The following SNX18 variants were observed in gnomAD, a reference collection of about 807,000 sequenced individuals.
The protein encoded by SNX18 is sorting nexin 18.
A neutral mutation model predicts 48.7 loss-of-function variants in SNX18; 35 were observed. The ratio of observed to expected loss-of-function variants is 0.72; its 90% CI spans 0.55 to 0.95. The LOEUF (loss-of-function observed/expected upper bound fraction) is 0.95, where lower values mean the gene tolerates loss of function less well. Ranked by LOEUF, SNX18 falls within the 40% of genes least tolerant of loss-of-function variation. The probability of loss-of-function intolerance (pLI) is 0.00; values close to 1 mark genes in which losing one functional copy is unlikely to be tolerated. For missense variants in SNX18, 824 were observed against 871.0 expected (o/e 0.95, Z 0.68); for synonymous variants, 492 against 384.7 (o/e 1.28, Z -3.26).
chr5:54,566,265 G>A, the SNX18 span, among the ~76,000 whole-genome samples: 4 of 152,166 alleles, frequency 2.6e-5, no homozygotes, highest in Admixed American at 1.3e-4. Flanking sequence ...AATCCTGACC[G>A]TCAGTTACTA....
At chr5:54,639,630 A>C in the SNX18 span, among the ~76,000 whole-genome samples, 2 of 152,214 alleles carry the variant, frequency 1.3e-5, no homozygotes, top group Non-Finnish European at 2.9e-5. Flanking sequence ...TGAGGACCAG[A>C]AATAGTAACT....
the SNX18 span, among the ~76,000 whole-genome samples, chr5:54,614,692 T>C: frequency 6.6e-6 from 1 of 152,104 alleles, no homozygotes; most frequent in Non-Finnish European, 1.5e-5. Flanking sequence ...TGTGTGCCTA[T>C]AGTCCCAGAT....
chr5:54,582,392 A>G, the SNX18 span, among the ~76,000 whole-genome samples: 42 of 152,302 alleles, frequency 2.8e-4, no homozygotes, highest in Non-Finnish European at 5.1e-4. Flanking sequence ...AAAGCTCATG[A>G]TGCAATGTTA....
At chr5:54,591,004 T>G in the SNX18 span, among the ~76,000 whole-genome samples, 1 of 151,784 alleles carries the variant, frequency 6.6e-6, no homozygotes, top group Admixed American at 6.6e-5. Flanking sequence ...ATCCTCCCCA[T>G]CCCCCCTCAC....
chr5:54,555,034 A>T, the SNX18 span, among the ~76,000 whole-genome samples: 1 of 152,212 alleles, frequency 6.6e-6, no homozygotes. Flanking sequence ...CACCCCAGCC[A>T]TACAGCCATA....
chr5:54,521,450 G>A (rs1054496062), intron 1 of SNX18, among the ~76,000 whole-genome samples: 2 of 152,210 alleles, frequency 1.3e-5, no homozygotes, highest in African/African-American at 4.8e-5. Flanking sequence ...TGTAATCCCA[G>A]CATTTTGGGA....
At chr5:54,559,540 G>T in the SNX18 span, among the ~76,000 whole-genome samples, 2 of 151,984 alleles carry the variant, frequency 1.3e-5, no homozygotes, top group African/African-American at 2.4e-5. Context: ...GAAACTGGAC[G>T]CCTTCCTTAC....
the SNX18 span, among the ~76,000 whole-genome samples, chr5:54,582,786 A>C: frequency 6.6e-6 from 1 of 152,098 alleles, no homozygotes; most frequent in African/African-American, 2.4e-5. Context: ...AATAAATTAG[A>C]ATCTGTTCGG....
At chr5:54,639,611 C>CAT in the SNX18 span, among the ~76,000 whole-genome samples, 82,075 of 151,770 alleles carry the variant, frequency 0.54, 22,360 homozygotes, top group Middle Eastern at 0.63. Flanking sequence ...TTATTTTTCA[C>CAT]GAGAATCTTG....
At chr5:54,612,070 G>T in the SNX18 span, among the ~76,000 whole-genome samples, 17 of 151,984 alleles carry the variant, frequency 1.1e-4, no homozygotes, top group African/African-American at 4.1e-4. Flanking sequence ...ATGTAGAGAT[G>T]ATGTCTCACT....
chr5:54,588,325 T>TA, the SNX18 span, among the ~76,000 whole-genome samples: 2 of 22,632 alleles, frequency 8.8e-5, no homozygotes, highest in Non-Finnish European at 1.7e-4. Flanking sequence ...TTTTTTTTTT[T>TA]TTTTTTTTTT....
chr5:54,610,511 T>C, the SNX18 span, among the ~76,000 whole-genome samples: 1 of 152,228 alleles, frequency 6.6e-6, no homozygotes, highest in Non-Finnish European at 1.5e-5. Flanking sequence ...AGCAGAGTTT[T>C]CCGCTCAGCC....
At chr5:54,562,081 T>C in the SNX18 span, among the ~76,000 whole-genome samples, 2 of 152,218 alleles carry the variant, frequency 1.3e-5, no homozygotes, top group African/African-American at 4.8e-5. Flanking sequence ...TACCACTTAT[T>C]GAGACATTTT....
At chr5:54,625,815 A>T in the SNX18 span, among the ~76,000 whole-genome samples, 1 of 152,132 alleles carries the variant, frequency 6.6e-6, no homozygotes, top group Non-Finnish European at 1.5e-5. Context: ...ACGAGACTTC[A>T]CCCTGGAACT....
the SNX18 span, among the ~76,000 whole-genome samples, chr5:54,559,126 A>T: frequency 2.0e-5 from 3 of 152,228 alleles, no homozygotes; most frequent in Non-Finnish European, 4.4e-5. Flanking sequence ...AGGAATCAAC[A>T]TCATTAAAAT....
chr5:54,554,317 T>C, the SNX18 span, among the ~76,000 whole-genome samples: 2 of 152,220 alleles, frequency 1.3e-5, no homozygotes, highest in African/African-American at 4.8e-5. Context: ...GACCCCACTT[T>C]AGACCCATTG....
At chr5:54,639,317 C>T in the SNX18 span, among the ~76,000 whole-genome samples, 1 of 152,130 alleles carries the variant, frequency 6.6e-6, no homozygotes, top group African/African-American at 2.4e-5. Flanking sequence ...AAAAGCAATG[C>T]ATTAGAATCC....
chr5:54,635,757 C>T, the SNX18 span, among the ~76,000 whole-genome samples: 1 of 152,214 alleles, frequency 6.6e-6, no homozygotes, highest in Non-Finnish European at 1.5e-5. Context: ...GGGCCCCATG[C>T]TCAGAGGGCC....
downstream of SNX18, among the ~76,000 whole-genome samples, chr5:54,547,794 A>G (rs889848207): frequency 1.3e-5 from 2 of 152,216 alleles, no homozygotes; most frequent in Non-Finnish European, 2.9e-5. Flanking sequence ...TCCAGTTGCC[A>G]TAACAATGGC....
Sources: gnomAD v4.1 joint callset for allele counts (sites outside exome capture counted in the v4.1 genomes callset) on GRCh38, gnomAD v4.1.1 for gene constraint, MANE v1.5 for transcripts, NCBI Gene and HGNC (gene_info 2026-07-23, HGNC 2026-07-21) for gene names.